NDUFA10: variants seen among roughly 807,000 people sequenced by gnomAD.
The protein encoded by NDUFA10 is NADH:ubiquinone oxidoreductase subunit A10.
NDUFA10 carries 40 observed loss-of-function variants against 47.8 expected under a neutral mutation model. The observed-to-expected ratio is 0.84, with a 90% confidence interval of 0.65 to 1.09. The LOEUF is 1.09. Ranked by LOEUF, NDUFA10 falls within the 50% of genes least tolerant of loss-of-function variation. The pLI is 0.00. For missense variants in NDUFA10, 413 were observed against 451.1 expected (o/e 0.92, Z 0.76); for synonymous variants, 183 against 172.2 (o/e 1.06, Z -0.49).
chr2:239,920,978 G>A (rs1316848867), intron 4 of NDUFA10, among the ~76,000 whole-genome samples: 4 of 152,214 alleles, frequency 2.6e-5, no homozygotes, highest in Admixed American at 2.0e-4. Context: ...AATGCCTAGA[G>A]ATGATTGTCC....
chr2:239,932,076 C>T (rs1420624822), intron 4 of NDUFA10, among the ~76,000 whole-genome samples: 13 of 152,044 alleles, frequency 8.6e-5, no homozygotes, highest in African/African-American at 3.1e-4. Flanking sequence ...CCTCGTGATC[C>T]ACCCTCTTCG....
intron 4 of NDUFA10, among the ~76,000 whole-genome samples, chr2:239,938,946 C>T (rs965916212): frequency 3.3e-5 from 5 of 152,312 alleles, no homozygotes; most frequent in African/African-American, 1.2e-4. Context: ...TTGGAGGAAA[C>T]ATTCCTCGGC....
chr2:239,969,920 C>T (rs1695242694), intron 9 of NDUFA10, among the ~76,000 whole-genome samples: 1 of 152,182 alleles, frequency 6.6e-6, no homozygotes, highest in South Asian at 2.1e-4. Context: ...AATAGCAAGT[C>T]ACCTAATGCA....
At chr2:239,931,566 G>T (rs1156667569) in intron 4 of NDUFA10, among the ~76,000 whole-genome samples, 4 of 152,204 alleles carry the variant, frequency 2.6e-5, no homozygotes, top group Admixed American at 2.0e-4. Flanking sequence ...CCCAAGCAGG[G>T]TCTCCACCTG....
At chr2:239,971,944 T>C (rs1695320422) in intron 9 of NDUFA10, among the ~76,000 whole-genome samples, 1 of 151,370 alleles carries the variant, frequency 6.6e-6, no homozygotes, top group Non-Finnish European at 1.5e-5. Context: ...GTCTCAGCTA[T>C]GAGATTTCTT....
chr2:239,985,995 GA>G (rs1368106386), intron 9 of NDUFA10, among the ~76,000 whole-genome samples: 1 of 151,044 alleles, frequency 6.6e-6, no homozygotes, highest in African/African-American at 2.4e-5. Context: ...CAGGCCAAGT[GA>G]GTACAGACGC....
At chr2:240,006,406 A>G (rs1258364157) in intron 7 of NDUFA10, among the ~76,000 whole-genome samples, 1 of 152,168 alleles carries the variant, frequency 6.6e-6, no homozygotes, top group Non-Finnish European at 1.5e-5. Flanking sequence ...TCTGTGCAGA[A>G]AAGCTCAGTC....
rs533696835 is a variant in NDUFA10, at chr2:239,902,277, G to A, written c.295-6963C>T. Among the ~76,000 whole-genome samples, 74 of 152,148 alleles carry A rather than the reference G, an allele frequency of 4.9e-4. 1 individual carries two copies. In the South Asian group the frequency reaches 5.2e-3, roughly 11 times the overall value. ...TTGTCTTATTTTAAGAAGTTGCCAC[G>A]GCCACCCCAATCTTCAGCAGCCACT... On this transcript the variant is annotated intron_variant, in intron 4 of 5. Coordinates refer to the NDUFA10 transcript ENST00000419408.
At chr2:239,969,514 G>A in intron 9 of NDUFA10, 2 of 380,436 alleles carry the variant, frequency 5.3e-6, no homozygotes, top group South Asian at 3.9e-5. Context: ...ATGGAGCACA[G>A]AAGAGCTTCT....
chr2:239,917,412 TA>T (rs949956268), intron 4 of NDUFA10, among the ~76,000 whole-genome samples: 79 of 152,346 alleles, frequency 5.2e-4, no homozygotes, highest in Admixed American at 1.4e-3. Flanking sequence ...TATGAGTTTA[TA>T]GATTCCTGTT....
At chr2:240,008,634 A>T (rs1307421821) in intron 6 of NDUFA10, among the ~76,000 whole-genome samples, 1 of 152,252 alleles carries the variant, frequency 6.6e-6, no homozygotes, top group African/African-American at 2.4e-5. Context: ...GAAAGGTCAC[A>T]AACTATTTGA....
intron 9 of NDUFA10, among the ~76,000 whole-genome samples, chr2:239,962,099 G>A (rs149888410): frequency 1.5e-3 from 224 of 152,268 alleles, no homozygotes; most frequent in African/African-American, 4.6e-3. Context: ...ACCTCGTTGC[G>A]GAGCCAGGAG....
At chr2:239,893,118 C>T (rs1445716470) in intron 5 of NDUFA10, among the ~76,000 whole-genome samples, 2 of 152,166 alleles carry the variant, frequency 1.3e-5, no homozygotes, top group Non-Finnish European at 2.9e-5. Context: ...TACTCTCTGC[C>T]CCTCTGATCC....
chr2:239,972,844 G>C (rs1364181140), intron 9 of NDUFA10, among the ~76,000 whole-genome samples: 1 of 152,174 alleles, frequency 6.6e-6, no homozygotes, highest in Non-Finnish European at 1.5e-5. Context: ...TTTTAAACCT[G>C]AAAATGGTAT....
At chr2:239,956,692 C>T (rs1053763333), downstream of NDUFA10, among the ~76,000 whole-genome samples, 3 of 152,194 alleles carry the variant, frequency 2.0e-5, no homozygotes, top group African/African-American at 7.2e-5. Flanking sequence ...CTTCCTAAAC[C>T]GAACAAAGCT....
intron 4 of NDUFA10, among the ~76,000 whole-genome samples, chr2:239,910,157 C>T (rs1334315466): frequency 2.0e-5 from 3 of 152,150 alleles, no homozygotes; most frequent in Non-Finnish European, 4.4e-5. Flanking sequence ...GACAGTGTGG[C>T]GATTCCTCAA....
At chr2:239,907,521 A>G (rs1693676340) in intron 4 of NDUFA10, among the ~76,000 whole-genome samples, 1 of 152,266 alleles carries the variant, frequency 6.6e-6, no homozygotes, top group South Asian at 2.1e-4. Flanking sequence ...TAATATCCAG[A>G]ATCTACAAAG....
At chr2:239,956,713 C>T (rs571444035), downstream of NDUFA10, among the ~76,000 whole-genome samples, 5 of 152,330 alleles carry the variant, frequency 3.3e-5, no homozygotes, top group Non-Finnish European at 7.3e-5. Context: ...CAATGACAAG[C>T]AGGGGAGAGT....
intron 4 of NDUFA10, among the ~76,000 whole-genome samples, chr2:239,929,665 ACCCCTGCTCCTCCACTG>A (rs755392217): frequency 4.3e-4 from 55 of 126,576 alleles, no homozygotes; most frequent in African/African-American, 1.4e-3. Flanking sequence ...CTTCTCCACC[ACCCCTGCTCCTCCACTG>A]CCCCTGCTCC....
Sources: gnomAD v4.1 joint callset for allele counts (sites outside exome capture counted in the v4.1 genomes callset) on GRCh38, gnomAD v4.1.1 for gene constraint, MANE v1.5 for transcripts, NCBI Gene and HGNC (gene_info 2026-07-23, HGNC 2026-07-21) for gene names.